The following SETBP1 variants were observed in gnomAD, a reference collection of about 807,000 sequenced individuals.
SETBP1 encodes SET-binding protein.
Under a neutral mutation model 101.0 loss-of-function variants are expected in SETBP1, and 9 were observed. The ratio of observed to expected loss-of-function variants is 0.09; its 90% CI spans 0.05 to 0.16. SETBP1 has a LOEUF of 0.16. SETBP1 is among the 10% of genes least tolerant of loss of function. SETBP1 has a pLI of 1.00. For missense variants in SETBP1, 1,858 were observed against 2,033.8 expected (o/e 0.91, Z 1.66); for synonymous variants, 818 against 788.5 (o/e 1.04, Z -0.63).
intron 3 of SETBP1, among the ~76,000 whole-genome samples, chr18:44,889,144 A>C (rs1170628854): frequency 6.6e-6 from 1 of 152,106 alleles, no homozygotes; most frequent in Non-Finnish European, 1.5e-5. Flanking sequence ...TCAGCATTTC[A>C]AAACAGAGAT....
chr18:44,944,992 C>G (rs937711908), intron 3 of SETBP1, among the ~76,000 whole-genome samples: 1 of 152,042 alleles, frequency 6.6e-6, no homozygotes, highest in African/African-American at 2.4e-5. Flanking sequence ...CTTACACACA[C>G]TTTATTTTTT....
intron 2 of SETBP1, among the ~76,000 whole-genome samples, chr18:44,716,846 G>A (rs1415853985): frequency 6.6e-6 from 1 of 152,126 alleles, no homozygotes; most frequent in Non-Finnish European, 1.5e-5. Context: ...TATGGCATTA[G>A]CCACCGCCCT....
Position 44,919,347 on chromosome 18 carries a change from C to CTT in SETBP1, c.541-30519_541-30518dup, listed in dbSNP as rs537734514. ...GCCTGTCTAAATCAAATCCCCCCATCTTTTTTTTTTTTTTTTGGAGACAGA... is the reference window on the plus strand; with the variant it reads ...GCCTGTCTAAATCAAATCCCCCCATCTTTTTTTTTTTTTTTTTTGGAGACAGA... On this transcript the variant is annotated intron_variant, in intron 3 of 5. Coordinates refer to ENST00000649279, the MANE Select transcript of SETBP1 (RefSeq NM_015559.3). Among the ~76,000 whole-genome samples the CTT allele has an allele frequency of 2.5e-3, 349 of 138,802 alleles. 5 individuals are homozygous for CTT. The highest frequency in any genetic ancestry group is 7.8e-3 in the Middle Eastern group (2 of 258). 91.1% of individuals were successfully genotyped at this position (138,802 alleles called of 152,430 possible).
chr18:45,015,547 C>T (rs1247942374), intron 4 of SETBP1, among the ~76,000 whole-genome samples: 3 of 152,202 alleles, frequency 2.0e-5, no homozygotes, highest in Non-Finnish European at 4.4e-5. Flanking sequence ...TCCAAACATC[C>T]ACTCATGCCC....
chr18:44,877,644 G>A (rs768714223), intron 3 of SETBP1, among the ~76,000 whole-genome samples: 3 of 152,174 alleles, frequency 2.0e-5, no homozygotes, highest in South Asian at 2.1e-4. Flanking sequence ...TTGCCCACGT[G>A]CATACATACA....
intron 2 of SETBP1, among the ~76,000 whole-genome samples, chr18:44,836,627 A>G (rs1286240786): frequency 6.6e-6 from 1 of 152,178 alleles, no homozygotes; most frequent in Admixed American, 6.5e-5. Flanking sequence ...ATTCTTCGTC[A>G]TGGTTTTTGA....
intron 5 of SETBP1, among the ~76,000 whole-genome samples, chr18:45,055,779 A>C (rs996549175): frequency 2.0e-5 from 3 of 152,214 alleles, no homozygotes; most frequent in African/African-American, 7.2e-5. Context: ...CTCTTTATTA[A>C]CAATTAGATG....
chr18:44,851,203 G>A (rs1178711219), intron 2 of SETBP1, among the ~76,000 whole-genome samples: 1 of 152,234 alleles, frequency 6.6e-6, no homozygotes, highest in Non-Finnish European at 1.5e-5. Flanking sequence ...TATATGCTAA[G>A]TGGTAAATAA....
intron 4 of SETBP1, among the ~76,000 whole-genome samples, chr18:45,004,685 G>T (rs2072688396): frequency 6.6e-6 from 1 of 152,180 alleles, no homozygotes; most frequent in African/African-American, 2.4e-5. Flanking sequence ...CCCAGGCCCA[G>T]TGTTTCTGGC....
chr18:44,788,454 A>T (rs1395351350), intron 2 of SETBP1, among the ~76,000 whole-genome samples: 1 of 152,164 alleles, frequency 6.6e-6, no homozygotes, highest in Admixed American at 6.5e-5. Context: ...TTTTATCTTG[A>T]TGGGGACCCT....
intron 2 of SETBP1, among the ~76,000 whole-genome samples, chr18:44,837,647 C>T (rs560609693): frequency 1.6e-3 from 240 of 152,252 alleles, no homozygotes; most frequent in African/African-American, 4.5e-3. Flanking sequence ...AGAGGCGATG[C>T]GGTCCATTTG....
chr18:44,728,112 T>C (rs1354784167), intron 2 of SETBP1, among the ~76,000 whole-genome samples: 1 of 152,244 alleles, frequency 6.6e-6, no homozygotes, highest in Admixed American at 6.5e-5. Flanking sequence ...AGAAATATGC[T>C]AATTCTGAGA....
At chr18:44,830,738 A>G (rs1367138285) in intron 2 of SETBP1, among the ~76,000 whole-genome samples, 1 of 152,210 alleles carries the variant, frequency 6.6e-6, no homozygotes, top group Non-Finnish European at 1.5e-5. Context: ...TGAATACAGG[A>G]AAACCACACA....
At chr18:44,878,958 A>G (rs2069470587) in intron 3 of SETBP1, among the ~76,000 whole-genome samples, 1 of 152,058 alleles carries the variant, frequency 6.6e-6, no homozygotes, top group Non-Finnish European at 1.5e-5. Flanking sequence ...CATTTTTTGG[A>G]TATTTCCCTG....
intron 3 of SETBP1, among the ~76,000 whole-genome samples, chr18:44,934,501 T>C (rs1385163108): frequency 3.3e-5 from 5 of 152,170 alleles, no homozygotes; most frequent in Admixed American, 2.0e-4. Context: ...TCAGTTCTCA[T>C]AGGTAGTAAG....
intron 4 of SETBP1, among the ~76,000 whole-genome samples, chr18:45,021,607 A>G (rs1263342404): frequency 1.3e-5 from 2 of 152,232 alleles, no homozygotes; most frequent in East Asian, 1.9e-4. Context: ...CTTTAAAACT[A>G]TGTCAAATAT....
At chr18:44,731,383 C>A (rs1409543532) in intron 2 of SETBP1, among the ~76,000 whole-genome samples, 1 of 152,130 alleles carries the variant, frequency 6.6e-6, no homozygotes, top group African/African-American at 2.4e-5. Flanking sequence ...TGACAGAAAA[C>A]AGGGTCCGCA....
Position 44,948,499 on chromosome 18 carries a change from T to TGATTGATAGATAGATAGATA in SETBP1, c.541-1379_541-1378insTGATAGATAGATAGATAGAT, listed in dbSNP as rs148315292. 8.5e-3 allele frequency among the ~76,000 whole-genome samples: 1,267 copies of TGATTGATAGATAGATAGATA among 149,852 alleles called. 14 individuals are homozygous for TGATTGATAGATAGATAGATA. Among genetic ancestry groups the TGATTGATAGATAGATAGATA allele is most frequent in the African/African-American group, 0.029 (1,173 of 40,502 alleles). On this transcript the variant is annotated intron_variant, in intron 3 of 5. Transcript: ENST00000649279. ...ATAAAATGAGATATACAAAGATAGA[T>TGATTGATAGATAGATAGATA]GATAGATAGATAGATAGATAGATAG...
At chr18:44,818,207 A>AT (rs988248297) in intron 2 of SETBP1, among the ~76,000 whole-genome samples, 14 of 152,020 alleles carry the variant, frequency 9.2e-5, no homozygotes, top group African/African-American at 1.9e-4. Flanking sequence ...TTTGAGAAGC[A>AT]TTTTTTTTAA....
Sources: allele counts gnomAD v4.1 joint callset (sites outside exome capture counted in the v4.1 genomes callset), GRCh38; gene constraint gnomAD v4.1.1; transcripts MANE v1.5; gene names NCBI Gene and HGNC (gene_info 2026-07-23, HGNC 2026-07-21).